The following MYT1L variants were observed in gnomAD, a reference collection of about 807,000 sequenced individuals.
MYT1L encodes the protein myelin transcription factor 1 like.
In MYT1L, 12 loss-of-function variants were observed where a neutral mutation model predicts 126.7. That is an observed-to-expected ratio of 0.09 (90% CI 0.06 to 0.15). MYT1L has a LOEUF of 0.15. Among genes scored for constraint, MYT1L ranks in the 10% least tolerant of loss-of-function variants. The pLI is 1.00. For missense variants in MYT1L, 979 were observed against 1,585.2 expected, an observed-to-expected ratio of 0.62 and a Z score of 6.49; for synonymous variants, 541 against 604.2, an observed-to-expected ratio of 0.90 and a Z score of 1.53.
chr2:2,192,765 C>T (rs1005741844), intron 2 of MYT1L, among the ~76,000 whole-genome samples: 18 of 152,018 alleles, frequency 1.2e-4, no homozygotes, highest in Admixed American at 7.2e-4. Flanking sequence ...AATTGGGGGA[C>T]GGTGATGGGA....
At chr2:2,101,677 AATTCATCC>A (rs776378620) in intron 3 of MYT1L, among the ~76,000 whole-genome samples, 3 of 151,376 alleles carry the variant, frequency 2.0e-5, no homozygotes, top group Non-Finnish European at 4.4e-5. Context: ...CTCATCCACC[AATTCATCC>A]ATTCATCCAT....
chr2:2,181,857 G>C (rs77929923), intron 2 of MYT1L, among the ~76,000 whole-genome samples: 15,401 of 152,148 alleles, frequency 0.1, 751 homozygotes, highest in East Asian at 0.13. Context: ...TATTTCATTT[G>C]ATCCTCAGAA....
At chr2:1,994,058 T>C (rs2061639263) in intron 5 of MYT1L, among the ~76,000 whole-genome samples, 1 of 152,256 alleles carries the variant, frequency 6.6e-6, no homozygotes, top group Non-Finnish European at 1.5e-5. Flanking sequence ...TTATTGTTGA[T>C]ATTGTTTTGT....
At chr2:2,016,311 G>T (rs1207017660) in intron 4 of MYT1L, among the ~76,000 whole-genome samples, 1 of 152,158 alleles carries the variant, frequency 6.6e-6, no homozygotes, top group Admixed American at 6.6e-5. Context: ...GAGAGGGTCA[G>T]GAAGTGGCTG....
At chr2:2,122,837 A>ATGTGTGTGTGTGTGTGTG in intron 3 of MYT1L, among the ~76,000 whole-genome samples, 1 of 135,604 alleles carries the variant, frequency 7.4e-6, no homozygotes, top group Non-Finnish European at 1.6e-5. Flanking sequence ...GAGGATAGGA[A>ATGTGTGTGTGTGTGTGTG]TGTGTGTGTG....
intron 1 of MYT1L, among the ~76,000 whole-genome samples, chr2:2,285,217 G>C (rs1361013783): frequency 6.6e-6 from 1 of 152,186 alleles, no homozygotes; most frequent in Non-Finnish European, 1.5e-5. Flanking sequence ...GAAGGTTCTG[G>C]ACTTGGGGAG....
intron 1 of MYT1L, among the ~76,000 whole-genome samples, chr2:2,327,857 C>A (rs1001161510): frequency 3.3e-5 from 5 of 151,888 alleles, no homozygotes; most frequent in African/African-American, 4.8e-5. Flanking sequence ...GTAAATAAAC[C>A]TTTAAGTTGT....
chr2:2,001,847 T>C (rs1317342869), intron 4 of MYT1L, among the ~76,000 whole-genome samples: 1 of 152,132 alleles, frequency 6.6e-6, no homozygotes, highest in Non-Finnish European at 1.5e-5. Flanking sequence ...CGGGGATTCT[T>C]GGTTTACTTT....
At chr2:2,303,024 G>C (rs940861753) in intron 1 of MYT1L, among the ~76,000 whole-genome samples, 47 of 152,102 alleles carry the variant, frequency 3.1e-4, no homozygotes, top group African/African-American at 1.1e-3. Flanking sequence ...ATTTGCCAGG[G>C]AGTAGTCAAT....
chr2:1,979,890 C>T lies in MYT1L; in HGVS notation c.1-113G>A. On this transcript the variant is annotated intron_variant, in intron 5 of 24. Transcript: ENST00000647738. This position sits in a 1 kb window ranked among gnomAD's most constrained non-coding sequence, Gnocchi z 4.0. The stretch of plus-strand genomic sequence containing the variant: ...TTAATGGGGCTTTAATCCTGTTTCC[C>T]TCCATGAAGGGAAGCCCTCTACAAG... 9.1e-7 allele frequency: 1 copy of T among 1,096,912 alleles called. No homozygotes were observed. Among genetic ancestry groups the T allele is most frequent in the Admixed American group, 1.9e-5 (1 of 51,654 alleles). The allele number at this position is 1,096,912 out of a possible 1,614,324, so 67.9% of individuals were successfully genotyped here. A position where few individuals can be genotyped will look rare whatever the true frequency, so the allele number is the denominator to read the frequency against.
Position 1,917,227 on chromosome 2 carries a change from G to A in MYT1L, c.1596C>T (p.His532=), listed in dbSNP as rs774946629. The A allele has an allele frequency of 1.9e-6, 3 of 1,613,430 alleles. No individual in the cohort carries two copies. Among genetic ancestry groups the A allele is most frequent in the Admixed American group, 3.3e-5 (2 of 59,994 alleles). The change falls in exon 11 of 25, where the codon CAC becomes CAT. Residue 532 remains histidine (H), a synonymous_variant. Transcript: ENST00000647738. The surrounding 1 kb of genome is among the most constrained non-coding windows in gnomAD (Gnocchi z 5.9). ...TACTTTCTGGAGGGACCCTATCTTT[G>A]TGCGGGCATCCGGACAGGCTGCGGT... ...PHHRSLSGCP[H]KDRVPPEILA... is the part of the protein sequence containing the mutation.
intron 8 of MYT1L, among the ~76,000 whole-genome samples, chr2:1,944,609 G>C (rs1037230557): frequency 6.6e-6 from 1 of 152,158 alleles, no homozygotes; most frequent in Non-Finnish European, 1.5e-5. Context: ...GGTAGTGAAT[G>C]ATCATTCAGT....
intron 1 of MYT1L, among the ~76,000 whole-genome samples, chr2:2,310,603 CT>C (rs939176313): frequency 6.6e-6 from 1 of 152,176 alleles, no homozygotes; most frequent in African/African-American, 2.4e-5. Context: ...CCTACGTTTT[CT>C]TCAAAGATTA....
intron 3 of MYT1L, among the ~76,000 whole-genome samples, chr2:2,146,819 A>G (rs1038513172): frequency 2.0e-5 from 3 of 152,218 alleles, no homozygotes; most frequent in Non-Finnish European, 4.4e-5. Context: ...TTTACAATGC[A>G]TCTCCTTTGG....
chr2:1,959,691 C>G (rs1418474619), intron 8 of MYT1L, among the ~76,000 whole-genome samples: 1 of 152,186 alleles, frequency 6.6e-6, no homozygotes, highest in Non-Finnish European at 1.5e-5. Flanking sequence ...GCCCCTCACA[C>G]ACCTCCTTTA....
chr2:2,074,037 G>C (rs113580268), intron 3 of MYT1L, among the ~76,000 whole-genome samples: 1,927 of 152,256 alleles, frequency 0.013, 31 homozygotes, highest in African/African-American at 0.039. Context: ...ACAAGGCCTA[G>C]CAAGAGGAAA....
chr2:2,184,850 C>T (rs1434107551), intron 2 of MYT1L, among the ~76,000 whole-genome samples: 4 of 152,192 alleles, frequency 2.6e-5, no homozygotes, highest in African/African-American at 9.7e-5. Flanking sequence ...AGGTTTCCAG[C>T]TACCCAGAAA....
chr2:2,162,886 G>A (rs945558849), intron 3 of MYT1L, among the ~76,000 whole-genome samples: 3 of 152,128 alleles, frequency 2.0e-5, no homozygotes, highest in Non-Finnish European at 4.4e-5. Flanking sequence ...ACTTTTATCA[G>A]TGCTCGCAGT....
intron 3 of MYT1L, among the ~76,000 whole-genome samples, chr2:2,142,940 G>A (rs1413343321): frequency 6.6e-6 from 1 of 151,340 alleles, no homozygotes; most frequent in East Asian, 2.0e-4. Context: ...GCCTGCCTCG[G>A]CCTCCCAAAT....
Sources: gnomAD v4.1 joint callset for allele counts (sites outside exome capture counted in the v4.1 genomes callset) on GRCh38, gnomAD v4.1.1 for gene constraint, Gnocchi (gnomAD v3.1) non-coding constraint, MANE v1.5 for transcripts, NCBI Gene and HGNC (gene_info 2026-07-23, HGNC 2026-07-21) for gene names.